Variants in NT5DC1 observed in about 807,000 individuals in gnomAD.
The protein encoded by NT5DC1 is 5'-nucleotidase domain-containing protein 1.
A neutral mutation model predicts 59.4 loss-of-function variants in NT5DC1; 42 were observed. The observed-to-expected ratio is 0.71, with a 90% CI of 0.55 to 0.92. The LOEUF is 0.92. NT5DC1 is among the 40% of genes least tolerant of loss of function. The pLI is 0.00. For missense variants in NT5DC1, 501 were observed against 537.1 expected (o/e 0.93, Z 0.66); for synonymous variants, 172 against 188.1 (o/e 0.91, Z 0.70).
At chr6:116,124,388 A>G (rs1779230171) in intron 6 of NT5DC1, among the ~76,000 whole-genome samples, 1 of 152,224 alleles carries the variant, frequency 6.6e-6, no homozygotes, top group Admixed American at 6.5e-5. Flanking sequence ...AAATAAAATT[A>G]GTGAATATGA....
intron 3 of NT5DC1, among the ~76,000 whole-genome samples, chr6:116,110,470 A>T (rs1778852835): frequency 6.6e-6 from 1 of 152,010 alleles, no homozygotes; most frequent in East Asian, 1.9e-4. Context: ...TCTGGTACCT[A>T]CTGCTCTTTC....
intron 6 of NT5DC1, among the ~76,000 whole-genome samples, chr6:116,168,715 T>C (rs1228658406): frequency 1.3e-5 from 2 of 152,198 alleles, no homozygotes; most frequent in East Asian, 1.9e-4. Context: ...TTTAATTTTA[T>C]AGAAAAATGT....
intron 7 of NT5DC1, among the ~76,000 whole-genome samples, chr6:116,221,604 C>G (rs545735392): frequency 2.0e-4 from 31 of 152,288 alleles, no homozygotes; most frequent in Non-Finnish European, 4.4e-4. Context: ...TACAGCCACT[C>G]TTTAGTCATT....
chr6:116,168,917 T>A (rs1780542991), intron 6 of NT5DC1, among the ~76,000 whole-genome samples: 1 of 152,216 alleles, frequency 6.6e-6, no homozygotes, highest in Admixed American at 6.5e-5. Flanking sequence ...CATTGAGAGC[T>A]GTATTATATC....
At chr6:116,134,217 G>A (rs1021349661) in intron 6 of NT5DC1, among the ~76,000 whole-genome samples, 6 of 152,144 alleles carry the variant, frequency 3.9e-5, no homozygotes, top group Non-Finnish European at 8.8e-5. Flanking sequence ...TCAAATAATT[G>A]TCAGACTTTT....
intron 6 of NT5DC1, among the ~76,000 whole-genome samples, chr6:116,146,429 GT>G (rs535206441): frequency 6.8e-4 from 103 of 152,240 alleles, no homozygotes; most frequent in African/African-American, 2.3e-3. Context: ...ATGACAATAA[GT>G]AAATAACTGG....
At chr6:116,162,080 C>T (rs562389618) in intron 6 of NT5DC1, among the ~76,000 whole-genome samples, 1 of 152,038 alleles carries the variant, frequency 6.6e-6, no homozygotes, top group Admixed American at 6.5e-5. Flanking sequence ...TTCTGCTTGA[C>T]CATTGTTGGT....
chr6:116,225,037 A>T (rs904439080), intron 8 of NT5DC1, among the ~76,000 whole-genome samples: 1 of 152,242 alleles, frequency 6.6e-6, no homozygotes, highest in African/African-American at 2.4e-5. Context: ...ACAGCAGACA[A>T]AAAGAAAGGA....
At chr6:116,232,362 G>A (rs1782033971) in intron 8 of NT5DC1, among the ~76,000 whole-genome samples, 2 of 151,944 alleles carry the variant, frequency 1.3e-5, no homozygotes, top group Non-Finnish European at 1.5e-5. Context: ...TCCATTTATT[G>A]TATGTTGATT....
chr6:116,159,789 C>G (rs563239832), intron 6 of NT5DC1, among the ~76,000 whole-genome samples: 27 of 152,288 alleles, frequency 1.8e-4, no homozygotes, highest in Admixed American at 1.6e-3. Context: ...CAGCCCCCAC[C>G]TTTTGGAGTC....
intron 8 of NT5DC1, 50 bp downstream of exon 8, chr6:116,223,181 C>A (rs1396749872): frequency 3.2e-6 from 3 of 947,562 alleles, no homozygotes; most frequent in Non-Finnish European, 5.1e-6. Flanking sequence ...TGGCTAACAA[C>A]CTTGTGCAGA....
chr6:116,158,597 G>C (rs147446633), intron 6 of NT5DC1: 3 of 152,074 alleles, frequency 2.0e-5, no homozygotes, highest in Non-Finnish European at 2.9e-5. Flanking sequence ...ATTGTCACAC[G>C]TTTGAATTTC....
intron 4 of NT5DC1, among the ~76,000 whole-genome samples, chr6:116,112,773 GAA>G (rs1475452928): frequency 6.6e-6 from 1 of 152,174 alleles, no homozygotes; most frequent in Non-Finnish European, 1.5e-5. Flanking sequence ...TAAACTCCTA[GAA>G]GTATACTTGC....
chr6:116,167,205 GATT>G (rs1780488696), intron 6 of NT5DC1, among the ~76,000 whole-genome samples: 1 of 125,568 alleles, frequency 8.0e-6, no homozygotes, highest in Non-Finnish European at 1.7e-5. Context: ...TCAAATAGAA[GATT>G]TTTTTTTTTT....
chr6:116,130,380 C>T (rs1333205906), intron 6 of NT5DC1, among the ~76,000 whole-genome samples: 2 of 152,070 alleles, frequency 1.3e-5, no homozygotes, highest in African/African-American at 4.8e-5. Flanking sequence ...ATTTTTTCCC[C>T]ATTTTTGGCC....
intron 6 of NT5DC1, among the ~76,000 whole-genome samples, chr6:116,170,139 G>A (rs12527153): frequency 0.11 from 17,186 of 152,068 alleles, 1,177 homozygotes; most frequent in East Asian, 0.26. Context: ...AGTGGATATG[G>A]CCAGTGTCTT....
intron 8 of NT5DC1, among the ~76,000 whole-genome samples, chr6:116,225,991 C>G (rs1043988977): frequency 6.6e-5 from 10 of 152,024 alleles, no homozygotes; most frequent in African/African-American, 2.4e-4. Context: ...GACAGCACCC[C>G]CCAACGACGA....
chr6:116,127,805 T>A (rs1206832755), intron 6 of NT5DC1, among the ~76,000 whole-genome samples: 2 of 152,178 alleles, frequency 1.3e-5, no homozygotes, highest in Non-Finnish European at 2.9e-5. Flanking sequence ...TAGTTATCAC[T>A]CGTGAACGTT....
intron 6 of NT5DC1, among the ~76,000 whole-genome samples, chr6:116,171,359 TAAATA>T (rs1562149320): frequency 2.4e-4 from 36 of 152,334 alleles, no homozygotes; most frequent in African/African-American, 8.7e-4. Flanking sequence ...CCAGGAATTA[TAAATA>T]GACACTGTTC....
Sources: gnomAD v4.1 joint callset for allele counts (sites outside exome capture counted in the v4.1 genomes callset) on GRCh38, gnomAD v4.1.1 for gene constraint, MANE v1.5 for transcripts, NCBI Gene and HGNC (gene_info 2026-07-23, HGNC 2026-07-21) for gene names.